SUGCT: variants seen among roughly 807,000 people sequenced by gnomAD.
The protein encoded by SUGCT is succinyl-CoA:glutarate-CoA transferase.
Under a neutral mutation model 55.0 loss-of-function variants are expected in SUGCT, and 41 were observed. The ratio of observed to expected loss-of-function variants is 0.74; its 90% CI spans 0.58 to 0.97. The LOEUF is 0.97. Ranked by LOEUF, SUGCT falls within the 50% of genes least tolerant of loss-of-function variation. The pLI is 0.00. For synonymous variants in SUGCT, 187 were observed against 200.4 expected, an observed-to-expected ratio of 0.93 and a Z score of 0.56; for missense variants, 568 against 547.8, an observed-to-expected ratio of 1.04 and a Z score of -0.37.
chr7:40,332,548 CT>C (rs1738035925), intron 9 of SUGCT, among the ~76,000 whole-genome samples: 1 of 146,540 alleles, frequency 6.8e-6, no homozygotes, highest in South Asian at 2.1e-4. Flanking sequence ...GTGGATTGTT[CT>C]TTTTTGCCTA....
intron 6 of SUGCT, among the ~76,000 whole-genome samples, chr7:40,205,987 T>G (rs1350716480): frequency 2.0e-5 from 3 of 152,228 alleles, no homozygotes; most frequent in Non-Finnish European, 4.4e-5. Context: ...GATATATGGT[T>G]AGAATAGTTT....
chr7:40,354,271 G>A (rs1210620506), intron 9 of SUGCT, among the ~76,000 whole-genome samples: 1 of 152,138 alleles, frequency 6.6e-6, no homozygotes, highest in African/African-American at 2.4e-5. Context: ...AGTGCTGATA[G>A]TTCAGATTGA....
intron 9 of SUGCT, among the ~76,000 whole-genome samples, chr7:40,404,206 G>C (rs1258348945): frequency 6.6e-6 from 1 of 152,160 alleles, no homozygotes; most frequent in Non-Finnish European, 1.5e-5. Context: ...AAGTTGCCCA[G>C]TTTTGCTGGG....
chr7:40,285,703 C>G (rs1793291562), intron 8 of SUGCT, among the ~76,000 whole-genome samples: 1 of 152,008 alleles, frequency 6.6e-6, no homozygotes, highest in African/African-American at 2.4e-5. Flanking sequence ...AGGTGTAATT[C>G]TAGGAAAATT....
At chr7:40,514,894 G>A (rs1474791225) in intron 12 of SUGCT, among the ~76,000 whole-genome samples, 1 of 152,026 alleles carries the variant, frequency 6.6e-6, no homozygotes, top group Non-Finnish European at 1.5e-5. Flanking sequence ...GACCATGGAA[G>A]TTATTTTTAA....
the SUGCT span, among the ~76,000 whole-genome samples, chr7:41,034,315 C>A: frequency 6.6e-6 from 1 of 152,036 alleles, no homozygotes; most frequent in African/African-American, 2.4e-5. Context: ...TCTGTGTGGT[C>A]GAGAGAATTC....
intron 12 of SUGCT, among the ~76,000 whole-genome samples, chr7:40,570,900 C>T (rs1796415418): frequency 8.5e-6 from 1 of 117,044 alleles, no homozygotes; most frequent in Non-Finnish European, 1.6e-5. Context: ...TGCTCTGTTG[C>T]CCAGGCTGGA....
chr7:40,328,197 A>G (rs1796111916), intron 9 of SUGCT, among the ~76,000 whole-genome samples: 1 of 152,220 alleles, frequency 6.6e-6, no homozygotes, highest in South Asian at 2.1e-4. Flanking sequence ...TACTCATCAC[A>G]GGGATCCTTA....
At chr7:40,600,243 A>G (rs1384682024) in intron 12 of SUGCT, among the ~76,000 whole-genome samples, 5 of 152,096 alleles carry the variant, frequency 3.3e-5, no homozygotes, top group African/African-American at 7.2e-5. Context: ...CTCATTTCTT[A>G]TGTGTGTGTG....
At chr7:40,962,675 T>TA in the SUGCT span, among the ~76,000 whole-genome samples, 4 of 151,448 alleles carry the variant, frequency 2.6e-5, no homozygotes, top group Admixed American at 1.3e-4. Context: ...AGTTCTAGGT[T>TA]AAAAAATCCA....
intron 12 of SUGCT, among the ~76,000 whole-genome samples, chr7:40,650,553 T>C (rs1404704166): frequency 6.6e-6 from 1 of 152,158 alleles, no homozygotes; most frequent in Admixed American, 6.5e-5. Context: ...GCAGAAATAA[T>C]TGGCAGTGAT....
chr7:40,415,963 A>G (rs917449664), intron 9 of SUGCT, among the ~76,000 whole-genome samples: 2 of 152,054 alleles, frequency 1.3e-5, no homozygotes, highest in African/African-American at 4.8e-5. Context: ...CCATATGAAC[A>G]TTAACATCAT....
At chr7:40,638,028 C>T (rs1800098322) in intron 12 of SUGCT, among the ~76,000 whole-genome samples, 1 of 152,136 alleles carries the variant, frequency 6.6e-6, no homozygotes, top group Non-Finnish European at 1.5e-5. Context: ...ATATGTGGTG[C>T]ATTTTATCTG....
chr7:40,469,192 T>A (rs573685463), intron 11 of SUGCT, among the ~76,000 whole-genome samples: 1 of 152,312 alleles, frequency 6.6e-6, no homozygotes, highest in African/African-American at 2.4e-5. Context: ...TTTTCTGACT[T>A]CTATTAATGT....
At chr7:40,163,167 A>C (rs1334378598) in intron 1 of SUGCT, among the ~76,000 whole-genome samples, 1 of 152,192 alleles carries the variant, frequency 6.6e-6, no homozygotes, top group African/African-American at 2.4e-5. Flanking sequence ...ACATAATTGC[A>C]AGAGAAGCTG....
chr7:40,827,915 G>A (rs1000828149), intron 13 of SUGCT, among the ~76,000 whole-genome samples: 7 of 152,152 alleles, frequency 4.6e-5, no homozygotes, highest in South Asian at 4.2e-4. Context: ...GAAGTTGCCC[G>A]TCTGTCACAG....
At chr7:40,602,170 A>G (rs977275203) in intron 12 of SUGCT, among the ~76,000 whole-genome samples, 1 of 152,176 alleles carries the variant, frequency 6.6e-6, no homozygotes, top group African/African-American at 2.4e-5. Flanking sequence ...TCAACCCTCA[A>G]ACCATGGTTA....
chr7:40,412,722 A>C (rs185979474), intron 9 of SUGCT, among the ~76,000 whole-genome samples: 4 of 151,988 alleles, frequency 2.6e-5, no homozygotes, highest in Non-Finnish European at 4.4e-5. Flanking sequence ...TACAAGTTTT[A>C]TTGTAATTTT....
At chr7:40,270,984 AT>A (rs1431429903) in intron 7 of SUGCT, among the ~76,000 whole-genome samples, 6 of 150,936 alleles carry the variant, frequency 4.0e-5, no homozygotes. Flanking sequence ...TCTTTATTTC[AT>A]TTTTTGTTTG....
Sources: allele counts gnomAD v4.1 joint callset (sites outside exome capture counted in the v4.1 genomes callset), GRCh38; gene constraint gnomAD v4.1.1; transcripts MANE v1.5; gene names NCBI Gene and HGNC (gene_info 2026-07-23, HGNC 2026-07-21).